ITGA11: variants seen among roughly 807,000 people sequenced by gnomAD.
ITGA11 encodes the protein integrin subunit alpha 11, also known as integrin alpha-11.
A neutral mutation model predicts 141.9 loss-of-function variants in ITGA11; 97 were observed. That is an observed-to-expected ratio of 0.68 (90% CI 0.58 to 0.81). The LOEUF (loss-of-function observed/expected upper bound fraction) is 0.81. Among genes scored for constraint, ITGA11 ranks in the 30% least tolerant of loss-of-function variants. ITGA11 has a pLI of 0.00. For missense variants in ITGA11, 1,387 were observed against 1,559.2 expected (o/e 0.89, Z 1.86); for synonymous variants, 658 against 624.6 (o/e 1.05, Z -0.80).
At chr15:68,362,815 TGATG>T (rs890376789) in intron 4 of ITGA11, among the ~76,000 whole-genome samples, 90 of 151,874 alleles carry the variant, frequency 5.9e-4, no homozygotes, top group African/African-American at 2.1e-3. Flanking sequence ...GCTGGATAGA[TGATG>T]GATGAATTAG....
At chr15:68,425,506 A>T (rs1375092218) in intron 1 of ITGA11, among the ~76,000 whole-genome samples, 2 of 152,170 alleles carry the variant, frequency 1.3e-5, no homozygotes, top group Non-Finnish European at 2.9e-5. Flanking sequence ...GGGAGAGAGC[A>T]ATTCCAGGAG....
At chr15:68,378,559 C>G (rs919160468) in intron 2 of ITGA11, among the ~76,000 whole-genome samples, 1 of 82,884 alleles carries the variant, frequency 1.2e-5, no homozygotes, top group East Asian at 5.0e-4. Context: ...AAGAGGGTCA[C>G]TTGAGTCCAG....
At chr15:68,351,090 C>A (rs1383458510) in intron 8 of ITGA11, among the ~76,000 whole-genome samples, 168 bp downstream of exon 8, 1 of 152,132 alleles carries the variant, frequency 6.6e-6, no homozygotes, top group Non-Finnish European at 1.5e-5. Flanking sequence ...TAGGCCAGAG[C>A]AGTGCAGAAA....
rs766788110 is a variant in ITGA11, at chr15:68,315,662, G to C, written c.2781C>G (p.Leu927=). ...SIFLHHLEIE[L]AAGSDSNERD... ...GGCACGGCCCTGACCTGCCTGCAGC[G>C]AGCTCGATCTCCAGGTGGTGTAGGA... is the stretch of plus-strand genomic sequence containing the variant. Residue 927 remains leucine, a synonymous_variant, in exon 22 of 30, where the codon CTC becomes CTG. Transcript: ENST00000315757. The C allele has an allele frequency of 1.2e-6, 2 of 1,613,062 alleles. No homozygotes were observed. Among genetic ancestry groups the C allele is most frequent in the Admixed American group, 1.7e-5 (1 of 59,918 alleles).
intron 2 of ITGA11, among the ~76,000 whole-genome samples, chr15:68,400,656 A>G (rs1192445391): frequency 1.8e-5 from 1 of 56,040 alleles, no homozygotes; most frequent in Non-Finnish European, 2.9e-5. Context: ...ATATTATATA[A>G]TAAATATATT....
Position 68,320,164 on chromosome 15 carries a change from G to A in ITGA11, c.2616+21C>T, listed in dbSNP as rs960836506. The stretch of plus-strand genomic sequence containing the variant: ...CTCTGTGCCAGGCAGAGGCAGTCTG[G>A]GCAGGTCGCTGAGGTCTTACCTTCT... On this transcript the variant is annotated intron_variant, in intron 20 of 29. Coordinates refer to ENST00000315757, the MANE Select transcript of ITGA11 (RefSeq NM_001004439.2). 2.5e-6 allele frequency: 4 copies of A among 1,610,030 alleles called. No individual in the cohort carries two copies. In the South Asian group the frequency reaches 4.4e-5, roughly 18 times the overall value.
At chr15:68,382,371 G>A (rs1211130520) in intron 2 of ITGA11, among the ~76,000 whole-genome samples, 1 of 152,180 alleles carries the variant, frequency 6.6e-6, no homozygotes, top group Non-Finnish European at 1.5e-5. Context: ...TCTCCTGCCT[G>A]AGTTCACTTT....
intron 2 of ITGA11, among the ~76,000 whole-genome samples, chr15:68,392,883 G>A (rs1896153113): frequency 6.6e-6 from 1 of 152,190 alleles, no homozygotes; most frequent in Non-Finnish European, 1.5e-5. Flanking sequence ...GGATAACCAT[G>A]AGATAAAATA....
At chr15:68,350,890 C>G (rs536909434) in intron 8 of ITGA11, 108 bp from the exon 9 acceptor site, 1,008 of 1,139,750 alleles carry the variant, frequency 8.8e-4, no homozygotes, top group Non-Finnish European at 1.1e-3. Flanking sequence ...GAGCCAGGGC[C>G]GGTAGCCATG....
chr15:68,413,364 T>C (rs1291150693), intron 1 of ITGA11, among the ~76,000 whole-genome samples: 1 of 152,186 alleles, frequency 6.6e-6, no homozygotes, highest in Non-Finnish European at 1.5e-5. Flanking sequence ...TCTATGGCCC[T>C]TCAGTTCAAT....
chr15:68,336,844 T>C (rs551593095), intron 11 of ITGA11, among the ~76,000 whole-genome samples: 3 of 152,342 alleles, frequency 2.0e-5, no homozygotes, highest in Non-Finnish European at 2.9e-5. Flanking sequence ...TTGGGTCTCA[T>C]TGGCTGCTTC....
chr15:68,390,479 G>A (rs1896090569), intron 2 of ITGA11, among the ~76,000 whole-genome samples: 1 of 152,132 alleles, frequency 6.6e-6, no homozygotes, highest in East Asian at 1.9e-4. Flanking sequence ...AGTGGAAACA[G>A]CGGATCCTTG....
chr15:68,422,587 C>T (rs571497561), intron 1 of ITGA11, among the ~76,000 whole-genome samples: 20 of 152,116 alleles, frequency 1.3e-4, no homozygotes, highest in Admixed American at 2.0e-4. Context: ...TAGAACATGT[C>T]ACTGCTCTCC....
rs10162690 is a variant in ITGA11 at position 68,339,436 on chromosome 15, G to C, written c.1276+64C>G. ...CTCACTCGTGTGTGGGCTGGGGGTT[G>C]TGCAGCCCCTGGGTGCCCTCCCGGC... On this transcript the variant is annotated intron_variant, in intron 11 of 29. Coordinates refer to ENST00000315757, the MANE Select transcript of ITGA11 (RefSeq NM_001004439.2). 0.013 allele frequency: 19,444 copies of C among 1,537,942 alleles called. 1,377 individuals carry two copies. The African/African-American group carries it at 0.19, about 15-fold the overall frequency.
At chr15:68,341,695 T>C (rs1457823198) in intron 10 of ITGA11, among the ~76,000 whole-genome samples, 2 of 152,216 alleles carry the variant, frequency 1.3e-5, no homozygotes, top group Non-Finnish European at 2.9e-5. Context: ...GAGTCCAAGT[T>C]TGTAACTGCA....
In ITGA11 at chr15:68,427,542, T is replaced by G. The variant is rs550256897; in HGVS notation, c.52+4473A>C. On this transcript the variant is annotated intron_variant, in intron 1 of 29. Transcript: ENST00000315757. ...GAAGTGAGAGGCAGCAGGGAGGGGG[T>G]TTGGCCTCACTGACTTTTTCCTCCA... 5.9e-4 allele frequency among the ~76,000 whole-genome samples: 89 copies of G among 151,986 alleles called. 1 individual carries two copies. Among genetic ancestry groups the G allele is most frequent in the African/African-American group, 2.1e-3 (85 of 41,430 alleles).
intron 28 of ITGA11, among the ~76,000 whole-genome samples, chr15:68,306,319 C>G (rs1428234901): frequency 7.4e-6 from 1 of 134,400 alleles, no homozygotes; most frequent in Non-Finnish European, 1.7e-5. Context: ...TTCTCTCTCT[C>G]TCTCTCTGTG....
At chr15:68,378,661 A>G (rs376740121) in intron 2 of ITGA11, among the ~76,000 whole-genome samples, 2 of 152,276 alleles carry the variant, frequency 1.3e-5, no homozygotes, top group African/African-American at 4.8e-5. Context: ...ATAAATAAAT[A>G]AATTTCTATT....
chr15:68,331,134 G>C (rs1481791667), intron 14 of ITGA11, 23 bp from the exon 15 acceptor site: 3 of 1,574,080 alleles, frequency 1.9e-6, no homozygotes, highest in Admixed American at 1.9e-5. Flanking sequence ...GGAAGAGAGG[G>C]GGAGGGCATG....
Sources: gnomAD v4.1 joint callset for allele counts (sites outside exome capture counted in the v4.1 genomes callset) on GRCh38, gnomAD v4.1.1 for gene constraint, MANE v1.5 for transcripts, NCBI Gene and HGNC (gene_info 2026-07-23, HGNC 2026-07-21) for gene names.